Variants in GRIK4 observed in about 807,000 individuals in gnomAD.
GRIK4 encodes the protein glutamate receptor ionotropic, kainate 4.
GRIK4 carries 40 observed loss-of-function variants against 104.9 expected under a neutral mutation model. The ratio of observed to expected loss-of-function variants is 0.38; its 90% CI spans 0.30 to 0.50. The LOEUF is 0.50. Among genes scored for constraint, GRIK4 ranks in the 20% least tolerant of loss-of-function variants. GRIK4 has a pLI of 0.93. For synonymous variants in GRIK4, 485 were observed against 524.9 expected, an observed-to-expected ratio of 0.92 and a Z score of 1.04; for missense variants, 1,047 against 1,308.1, an observed-to-expected ratio of 0.80 and a Z score of 3.08.
rs542580 is a variant in GRIK4, at chr11:120,956,358, T to A, written c.1701-422T>A. On this transcript the variant is annotated intron_variant, in intron 15 of 20. Coordinates refer to ENST00000527524, the MANE Select transcript of GRIK4 (RefSeq NM_014619.5). This position sits in a 1 kb window ranked among gnomAD's most constrained non-coding sequence, Gnocchi z 4.6. ...CTAGGATTACAGGCACACACCACCA[T>A]ACCTGGCTAATTTTTTTGTATTTTT... is the stretch of plus-strand genomic sequence containing the variant. Among the ~76,000 whole-genome samples, 7 of 152,044 alleles carry A rather than the reference T, an allele frequency of 4.6e-5. No individual in the cohort carries two copies. The highest frequency in any genetic ancestry group is 1.0e-4 in the Non-Finnish European group (7 of 68,010).
intron 1 of GRIK4, among the ~76,000 whole-genome samples, chr11:120,565,624 A>G (rs897789827): frequency 1.3e-5 from 2 of 152,196 alleles, no homozygotes; most frequent in Non-Finnish European, 2.9e-5. Context: ...CAGCCGAGTG[A>G]GGAAGGACGA....
intron 16 of GRIK4, among the ~76,000 whole-genome samples, 178 bp from the exon 17 acceptor site, chr11:120,960,731 G>A (rs983988723): frequency 1.3e-5 from 2 of 152,158 alleles, no homozygotes; most frequent in Admixed American, 6.5e-5. Context: ...GCTCACAAAC[G>A]CGATTCATTT....
intron 3 of GRIK4, among the ~76,000 whole-genome samples, chr11:120,760,339 AAT>A: frequency 1.3e-5 from 2 of 148,976 alleles, no homozygotes; most frequent in East Asian, 3.9e-4. Context: ...AAAGTTGAAT[AAT>A]ATATATATAC....
intron 8 of GRIK4, among the ~76,000 whole-genome samples, chr11:120,859,760 TAA>T (rs2135625909): frequency 6.6e-6 from 1 of 152,324 alleles, no homozygotes; most frequent in Admixed American, 6.5e-5. Flanking sequence ...AGATAGGAGA[TAA>T]TATCAGTGTA....
At chr11:120,846,092 A>G (rs1261992176) in intron 8 of GRIK4, among the ~76,000 whole-genome samples, 2 of 152,216 alleles carry the variant, frequency 1.3e-5, no homozygotes, top group Non-Finnish European at 1.5e-5. Flanking sequence ...TGGAAGATGG[A>G]AATATGTTCA....
At chr11:120,668,141 AG>A (rs1949950607) in intron 3 of GRIK4, among the ~76,000 whole-genome samples, 1 of 152,046 alleles carries the variant, frequency 6.6e-6, no homozygotes, top group East Asian at 1.9e-4. Flanking sequence ...ATAGATAGAT[AG>A]ATAGATAAGT....
intron 11 of GRIK4, among the ~76,000 whole-genome samples, chr11:120,881,276 C>T (rs939562241): frequency 1.1e-4 from 16 of 152,220 alleles, no homozygotes; most frequent in African/African-American, 3.4e-4. Context: ...TCATTCTGAA[C>T]TCTGGGCCTT....
intron 8 of GRIK4, chr11:120,858,307 T>G (rs996487975): frequency 2.0e-5 from 3 of 152,144 alleles, no homozygotes; most frequent in Admixed American, 6.5e-5. Flanking sequence ...ATTCCTGAAA[T>G]GTGTTCGTTT....
chr11:120,681,496 T>C (rs555887201), intron 3 of GRIK4, among the ~76,000 whole-genome samples: 2 of 152,106 alleles, frequency 1.3e-5, no homozygotes, highest in Admixed American at 1.3e-4. Flanking sequence ...CTCTCTTCAT[T>C]TTGCCCCGCT....
chr11:120,824,553 C>CTTT (rs763907708), intron 6 of GRIK4, among the ~76,000 whole-genome samples: 33 of 128,882 alleles, frequency 2.6e-4, no homozygotes, highest in African/African-American at 6.1e-4. Context: ...TTTTTCTTTT[C>CTTT]TTTTTTTTTT....
Position 120,940,457 on chromosome 11 carries a change from T to A in GRIK4, c.1587T>A (p.His529Gln). 1 of 1,551,532 alleles carries A rather than the reference T, an allele frequency of 6.4e-7. No individual in the cohort carries two copies. Among genetic ancestry groups the A allele is most frequent in the Non-Finnish European group, 8.9e-7 (1 of 1,123,450 alleles). Residue 529 changes from histidine to glutamine, a missense_variant, in exon 14 of 21, where the codon CAT becomes CAA. This residue lies in a region of GRIK4 where 440 missense variants were observed against 652.3 expected (regional missense o/e 0.67). Coordinates refer to ENST00000527524, the MANE Select transcript of GRIK4 (RefSeq NM_014619.5). The surrounding 1 kb of genome is among the most constrained non-coding windows in gnomAD (Gnocchi z 4.3). ...GAATTAGCATTCTTTACCGCGTTCATATGGTAAGAGACTTATTTTATAAGC... is the reference window on the plus strand; with the variant it reads ...GAATTAGCATTCTTTACCGCGTTCAAATGGTAAGAGACTTATTTTATAAGC... ...TLGISILYRV[H>Q]MGRKPGYFSF...
Position 120,905,445 on chromosome 11 carries a change from C to G in GRIK4, c.1428C>G (p.Pro476=), listed in dbSNP as rs148259218. Residue 476 remains proline, a synonymous_variant, in exon 13 of 21, where the codon CCC becomes CCG. Coordinates refer to ENST00000527524, the MANE Select transcript of GRIK4 (RefSeq NM_014619.5). This position sits in a 1 kb window ranked among gnomAD's most constrained non-coding sequence, Gnocchi z 5.1. ...TTGGGGATGGCGTGTACGGCGTTCCCGAGGCCAACGGCACCTGGACGGGAA... is the reference window on the plus strand; with the variant it reads ...TTGGGGATGGCGTGTACGGCGTTCCGGAGGCCAACGGCACCTGGACGGGAA... ...RLVGDGVYGV[P]EANGTWTGMV... 1 of 1,557,666 alleles carries G rather than the reference C, an allele frequency of 6.4e-7. No homozygotes were observed. The highest frequency in any genetic ancestry group is 1.1e-5 in the South Asian group (1 of 90,250).
intron 13 of GRIK4, among the ~76,000 whole-genome samples, chr11:120,928,667 C>T (rs538512524): frequency 2.0e-5 from 3 of 152,260 alleles, no homozygotes; most frequent in East Asian, 1.9e-4. Flanking sequence ...AGCGCTGGTT[C>T]GTTCCTAAAA....
intron 3 of GRIK4, among the ~76,000 whole-genome samples, chr11:120,780,804 C>T (rs558683238): frequency 4.6e-5 from 7 of 152,196 alleles, no homozygotes; most frequent in African/African-American, 1.4e-4. Context: ...TGCAGTGGCA[C>T]GATCTCAGCT....
chr11:120,823,752 A>G (rs12278293), intron 6 of GRIK4, among the ~76,000 whole-genome samples: 13,772 of 152,250 alleles, frequency 0.09, 2,047 homozygotes, highest in African/African-American at 0.31. Context: ...AGCTAAGCAC[A>G]GACAAGGTTC....
At chr11:120,582,638 T>C (rs540624148) in intron 1 of GRIK4, among the ~76,000 whole-genome samples, 1 of 152,222 alleles carries the variant, frequency 6.6e-6, no homozygotes, top group Non-Finnish European at 1.5e-5. Context: ...GTTAGTTTGC[T>C]TAGAATAATG....
chr11:120,852,072 G>A (rs549917475), intron 8 of GRIK4, among the ~76,000 whole-genome samples: 2 of 152,230 alleles, frequency 1.3e-5, no homozygotes, highest in East Asian at 3.8e-4. Context: ...GTAGCTCACT[G>A]CAGCCTAAGG....
chr11:120,833,608 A>G (rs567594474), intron 7 of GRIK4, among the ~76,000 whole-genome samples: 13 of 152,320 alleles, frequency 8.5e-5, no homozygotes, highest in East Asian at 7.7e-4. Context: ...TGTGCCCTCC[A>G]TAGCTCCCAG....
At chr11:120,626,499 C>T (rs4375451) in intron 1 of GRIK4, among the ~76,000 whole-genome samples, 38,098 of 152,018 alleles carry the variant, frequency 0.25, 5,215 homozygotes, top group Non-Finnish European at 0.29. Context: ...AGAGGTTGTG[C>T]TGTCTCAAAG....
Sources: gnomAD v4.1 joint callset for allele counts (sites outside exome capture counted in the v4.1 genomes callset) on GRCh38, gnomAD v4.1.1 for gene constraint, gnomAD v4.1.1 regional missense constraint, Gnocchi (gnomAD v3.1) non-coding constraint, MANE v1.5 for transcripts, NCBI Gene and HGNC (gene_info 2026-07-23, HGNC 2026-07-21) for gene names.